The following MTRFR variants were observed in gnomAD, a reference collection of about 807,000 sequenced individuals.
The protein encoded by MTRFR is mitochondrial translation release factor in rescue.
MTRFR carries 10 observed loss-of-function variants against 11.9 expected under a neutral mutation model. The ratio of observed to expected loss-of-function variants is 0.84; its 90% CI spans 0.52 to 1.42. The LOEUF is 1.42. MTRFR is among the 40% of genes most tolerant of loss of function. The probability of loss-of-function intolerance (pLI) is 0.00; values close to 1 mark genes in which losing one functional copy is unlikely to be tolerated. For missense variants in MTRFR, 196 were observed against 197.9 expected, an observed-to-expected ratio of 0.99 and a Z score of 0.06; for synonymous variants, 77 against 79.1, an observed-to-expected ratio of 0.97 and a Z score of 0.14.
chr12:123,236,778 G>A (rs892973381), intron 1 of MTRFR, among the ~76,000 whole-genome samples: 12 of 152,024 alleles, frequency 7.9e-5, no homozygotes, highest in South Asian at 2.1e-4. Flanking sequence ...TAAAGTTCCC[G>A]TTAGATGCCA....
intron 1 of MTRFR, chr12:123,243,836 G>A (rs2047990015): frequency 6.6e-6 from 1 of 152,236 alleles, no homozygotes; most frequent in South Asian, 2.1e-4. Context: ...AAAGTAACAG[G>A]AAATGCACAT....
chr12:123,237,382 A>T (rs1478484918), intron 1 of MTRFR, among the ~76,000 whole-genome samples: 1 of 152,224 alleles, frequency 6.6e-6, no homozygotes, highest in African/African-American at 2.4e-5. Flanking sequence ...GTGAGCCAAG[A>T]TCACGCCATT....
intron 1 of MTRFR, chr12:123,248,521 G>C (rs571354457): frequency 1.3e-5 from 2 of 152,780 alleles, no homozygotes; most frequent in South Asian, 2.1e-4. Flanking sequence ...TCCAGAGTTT[G>C]TTCCTTCAGA....
intron 1 of MTRFR, among the ~76,000 whole-genome samples, chr12:123,244,620 G>T (rs753441289): frequency 2.6e-5 from 4 of 152,004 alleles, no homozygotes; most frequent in Non-Finnish European, 5.9e-5. Context: ...GCCCTTTCTA[G>T]AATACTTTTT....
At chr12:123,245,621 G>A (rs1453804422) in intron 1 of MTRFR, among the ~76,000 whole-genome samples, 14 of 152,130 alleles carry the variant, frequency 9.2e-5, no homozygotes. Flanking sequence ...ATATTCCTAA[G>A]TTTTGTTTTT....
rs1388526317 is a variant in MTRFR, at chr12:123,256,959, AAG to A, written c.432_433del (p.Arg144SerfsTer12). 1 of 1,613,814 alleles carries A rather than the reference AAG, an allele frequency of 6.2e-7. No individual in the cohort carries two copies. The highest frequency in any genetic ancestry group is 8.5e-7 in the Non-Finnish European group (1 of 1,179,960). ...AAKKKQERKK[R>X]AKETLEKKKL... ...CGAAGAAAAAACAAGAAAGGAAAAAAAGAGCAAAGGAAACCCTGGAAAAAAAG... is the reference window on the plus strand; with the variant it reads ...CGAAGAAAAAACAAGAAAGGAAAAAAAGCAAAGGAAACCCTGGAAAAAAAG... On this transcript the variant is annotated frameshift_variant, in exon 3 of 3. Coordinates refer to ENST00000253233, the MANE Select transcript of MTRFR (RefSeq NM_152269.5). LOFTEE classifies it high-confidence loss of function.
intron 2 of MTRFR, 139 bp downstream of exon 2, chr12:123,254,095 T>A: frequency 3.1e-6 from 3 of 977,440 alleles, no homozygotes; most frequent in Middle Eastern, 2.8e-4. Flanking sequence ...AGCCAGGCAG[T>A]AGAGAGCACC....
chr12:123,253,727 C>G lies in MTRFR; in HGVS notation c.53C>G (p.Pro18Arg), dbSNP rs930288422. The G allele has an allele frequency of 6.2e-7, 1 of 1,614,016 alleles. No individual in the cohort carries two copies. The highest frequency in any genetic ancestry group is 8.5e-7 in the Non-Finnish European group (1 of 1,180,040). The change falls in exon 2 of 3, where the codon CCG becomes CGG. Residue 18 changes from proline to arginine, a missense_variant. Coordinates refer to ENST00000253233, the MANE Select transcript of MTRFR (RefSeq NM_152269.5). ...HFPTPLTRIC[P>R]APWGLRLWEK... ...CCTACACCACTGACCCGAATATGCC[C>G]GGCGCCATGGGGACTCCGGCTTTGG...
intron 1 of MTRFR, among the ~76,000 whole-genome samples, chr12:123,245,240 G>T (rs975638714): frequency 6.6e-6 from 1 of 152,086 alleles, no homozygotes; most frequent in South Asian, 2.1e-4. Context: ...CTGGCCCTAC[G>T]TGCCTATTTT....
rs2138802679 is a variant in MTRFR at position 123,257,743 on chromosome 12, T to TATAC, written c.*714_*717dup. 7.2e-6 allele frequency: 1 copy of TATAC among 138,278 alleles called. No homozygotes were observed. The highest frequency in any genetic ancestry group is 2.3e-4 in the South Asian group (1 of 4,372). 8.6% of individuals were successfully genotyped at this position (138,278 alleles called of 1,614,324 possible). The stretch of plus-strand genomic sequence containing the variant: ...AACCATAAAGAAACACAGTCAGTAC[T>TATAC]ATACAAGAATAATGGCTACTTCTAG... On this transcript the variant is annotated 3_prime_UTR_variant, in exon 3 of 3. Coordinates refer to ENST00000253233, the MANE Select transcript of MTRFR (RefSeq NM_152269.5).
At position 123,253,819 on chromosome 12, in the gene MTRFR, T is replaced by A. The variant is rs766457439; in HGVS notation, c.145T>A (p.Tyr49Asn). 1 of 1,614,204 alleles carries A rather than the reference T, an allele frequency of 6.2e-7. No homozygotes were observed. Among genetic ancestry groups the A allele is most frequent in the South Asian group, 1.1e-5 (1 of 91,088 alleles). The change falls in exon 2 of 3, where the codon TAC (tyrosine) becomes AAC (asparagine). Residue 49 changes from tyrosine (Y) to asparagine (N), a missense_variant. Physicochemically the swap from Tyr to Asn is moderately radical, Grantham distance 143 (BLOSUM62 -2). Coordinates refer to ENST00000253233, the MANE Select transcript of MTRFR (RefSeq NM_152269.5). ...TPVQMAGKKDYPALLSLDENE... is the reference protein window; with the variant it reads ...TPVQMAGKKDNPALLSLDENE... Reference sequence around the variant, plus strand: ...GGTCCAGATGGCAGGCAAGAAGGACTACCCTGCACTGCTTTCCTTGGATGA... The same window carrying A: ...GGTCCAGATGGCAGGCAAGAAGGACAACCCTGCACTGCTTTCCTTGGATGA...
intron 1 of MTRFR, among the ~76,000 whole-genome samples, chr12:123,246,718 T>C (rs1228328516): frequency 9.6e-5 from 1 of 10,446 alleles, no homozygotes; most frequent in Non-Finnish European, 2.9e-3. Flanking sequence ...AATTTTTTTT[T>C]TTTTTTTTTT....
At chr12:123,238,190 G>A (rs531300572) in intron 1 of MTRFR, among the ~76,000 whole-genome samples, 38 of 152,156 alleles carry the variant, frequency 2.5e-4, no homozygotes, top group African/African-American at 8.4e-4. Flanking sequence ...ACCACACCCA[G>A]CCCCAAAACA....
chr12:123,254,227 G>A (rs2048155366), intron 2 of MTRFR: 2 of 476,870 alleles, frequency 4.2e-6, no homozygotes, highest in African/African-American at 3.9e-5. Context: ...GAATTTGGCA[G>A]ACAGCACTGG....
chr12:123,240,374 C>G (rs1181695247), intron 1 of MTRFR, among the ~76,000 whole-genome samples: 1 of 151,964 alleles, frequency 6.6e-6, no homozygotes, highest in East Asian at 1.9e-4. Context: ...AAATGCAGAG[C>G]CTCAGGCCTC....
At chr12:123,233,369 T>G (rs2047757394), upstream of MTRFR, 1 of 152,272 alleles carries the variant, frequency 6.6e-6, no homozygotes, top group Non-Finnish European at 1.5e-5. Flanking sequence ...AAGCTTCAGT[T>G]TCTCGCATGC....
intron 1 of MTRFR, among the ~76,000 whole-genome samples, chr12:123,242,733 T>G (rs1024143576): frequency 1.3e-5 from 2 of 152,220 alleles, no homozygotes; most frequent in African/African-American, 4.8e-5. Context: ...AACAGTGGAC[T>G]GGTGACAAAG....
chr12:123,239,486 T>C (rs2138748517), intron 1 of MTRFR, among the ~76,000 whole-genome samples: 1 of 152,230 alleles, frequency 6.6e-6, no homozygotes, highest in Middle Eastern at 3.4e-3. Context: ...CACCGCAATC[T>C]CCACCTCCCA....
chr12:123,241,210 A>G (rs978822551), intron 1 of MTRFR, among the ~76,000 whole-genome samples: 4 of 148,652 alleles, frequency 2.7e-5, no homozygotes, highest in Non-Finnish European at 6.0e-5. Context: ...CAAGCTGATC[A>G]TGAACTCCCA....
Sources: gnomAD v4.1 joint callset for allele counts (sites outside exome capture counted in the v4.1 genomes callset) on GRCh38, gnomAD v4.1.1 for gene constraint, MANE v1.5 for transcripts, NCBI Gene and HGNC (gene_info 2026-07-23, HGNC 2026-07-21) for gene names.